The following CACNA1A variants were observed in gnomAD, a reference collection of about 807,000 sequenced individuals.
CACNA1A encodes voltage-dependent P/Q-type calcium channel subunit alpha-1A.
In CACNA1A, 57 loss-of-function variants were observed where a neutral mutation model predicts 262.4. That is an observed-to-expected ratio of 0.22 (90% confidence interval 0.18 to 0.27). CACNA1A has a LOEUF of 0.27. Ranked by LOEUF, CACNA1A falls within the 10% of genes least tolerant of loss-of-function variation. The pLI is 1.00. For synonymous variants in CACNA1A, 1,431 were observed against 1,419.3 expected (o/e 1.01, Z -0.18); for missense variants, 2,526 against 3,562.8 (o/e 0.71, Z 7.41).
chr19:13,296,686 C>T (rs1288623010), intron 19 of CACNA1A, among the ~76,000 whole-genome samples: 2 of 150,910 alleles, frequency 1.3e-5, no homozygotes, highest in South Asian at 2.1e-4. Flanking sequence ...CACCACATCC[C>T]GCTGCATCCA....
chr19:13,476,661 G>GT lies in CACNA1A; in HGVS notation c.294-21450dup, dbSNP rs577073415. 5.9e-5 allele frequency among the ~76,000 whole-genome samples: 9 copies of GT among 152,256 alleles called. No homozygotes were observed. The South Asian group carries it at 1.7e-3, about 28-fold the overall frequency. On this transcript the variant is annotated intron_variant, in intron 1 of 46. Transcript: ENST00000360228. ...ACTGTTGCATAACAGGGTGACTGTA[G>GT]TAAGTGCTGTGGAATTGCACACCTC... is the stretch of plus-strand genomic sequence containing the variant.
intron 24 of CACNA1A, chr19:13,271,786 C>CG (rs1170532028): frequency 1.5e-5 from 2 of 131,828 alleles, no homozygotes; most frequent in African/African-American, 5.9e-5. Context: ...TTTTTTGAGA[C>CG]AGAGTCTTGC....
chr19:13,453,911 A>G (rs1234977420), intron 2 of CACNA1A, among the ~76,000 whole-genome samples: 1 of 152,106 alleles, frequency 6.6e-6, no homozygotes, highest in African/African-American at 2.4e-5. Flanking sequence ...AAATGCAAAG[A>G]TCTAGAAATC....
rs143600357 is a variant in CACNA1A at position 13,252,681 on chromosome 19, C to T, written c.4866+310G>A. 1,263 of 178,342 alleles carry T rather than the reference C, an allele frequency of 7.1e-3. 20 individuals carry two copies. The highest frequency in any genetic ancestry group is 0.028 in the African/African-American group (1,173 of 42,484). 11.0% of individuals were successfully genotyped at this position (178,342 alleles called of 1,614,324 possible). On this transcript the variant is annotated intron_variant, in intron 30 of 46. Transcript: ENST00000360228. ...CTGGAATTACAGCCATGAGACACCT[C>T]GCCCAGCCTGATTTCAGTTTTCTTA...
In CACNA1A at chr19:13,298,939, G is replaced by A. The variant is rs1382758044; in HGVS notation, c.2694C>T (p.Gly898=). 1.3e-6 allele frequency: 2 copies of A among 1,593,054 alleles called. No homozygotes were observed. The highest frequency in any genetic ancestry group is 8.5e-7 in the Non-Finnish European group (1 of 1,177,114). The change falls in exon 19 of 47, where the codon GGC becomes GGT. Residue 898 remains glycine (G), a synonymous_variant. Coordinates refer to ENST00000360228, the MANE Select transcript of CACNA1A (RefSeq NM_001127222.2). The part of the protein sequence containing the change: ...EAELSREGPY[G]RESDHHAREG... ...CCCGGGCGTGGTGGTCCGACTCGCGGCCGTAGGGTCCCTCCCGGCTCAGCT... is the reference window on the plus strand; with the variant it reads ...CCCGGGCGTGGTGGTCCGACTCGCGACCGTAGGGTCCCTCCCGGCTCAGCT...
chr19:13,318,888 ATCTTTT>A (rs1174233692), intron 10 of CACNA1A, among the ~76,000 whole-genome samples: 2 of 94,684 alleles, frequency 2.1e-5, no homozygotes, highest in African/African-American at 1.0e-4. Context: ...TCTAAAATAC[ATCTTTT>A]TTTTTTTTTT....
chr19:13,250,400 ATTTAT>A (rs1309657528), intron 30 of CACNA1A, among the ~76,000 whole-genome samples: 1 of 141,298 alleles, frequency 7.1e-6, no homozygotes, highest in African/African-American at 2.6e-5. Flanking sequence ...ATTTAATTTA[ATTTAT>A]TTATTTATTG....
At chr19:13,246,563 A>G (rs77605214) in intron 30 of CACNA1A, among the ~76,000 whole-genome samples, 2,711 of 152,146 alleles carry the variant, frequency 0.018, 80 homozygotes, top group African/African-American at 0.059. Context: ...CACTTGATCT[A>G]TCCTGACTGC....
intron 6 of CACNA1A, among the ~76,000 whole-genome samples, chr19:13,346,649 TATATATATATATATA>T (rs2058782644): frequency 2.0e-3 from 12 of 6,138 alleles, no homozygotes; most frequent in Admixed American, 2.6e-3. Flanking sequence ...TATATATATA[TATATATATATATATA>T]TATTTTTTTT....
intron 3 of CACNA1A, among the ~76,000 whole-genome samples, chr19:13,387,502 C>T (rs566175969): frequency 1.3e-5 from 2 of 152,206 alleles, no homozygotes; most frequent in Admixed American, 1.3e-4. Flanking sequence ...CTGGTTTTAC[C>T]CATTCTACCA....
At chr19:13,495,274 G>A (rs917720206) in intron 1 of CACNA1A, among the ~76,000 whole-genome samples, 11 of 152,162 alleles carry the variant, frequency 7.2e-5, no homozygotes, top group Admixed American at 3.9e-4. Flanking sequence ...AATTACATAG[G>A]TAAAACCTAA....
intron 3 of CACNA1A, among the ~76,000 whole-genome samples, chr19:13,411,200 A>G (rs2060104130): frequency 6.6e-6 from 1 of 152,220 alleles, no homozygotes; most frequent in Admixed American, 6.5e-5. Flanking sequence ...TAGGCACTTC[A>G]TAGAAAGCTG....
At chr19:13,336,872 G>A (rs1416785419) in intron 6 of CACNA1A, among the ~76,000 whole-genome samples, 2 of 152,210 alleles carry the variant, frequency 1.3e-5, no homozygotes, top group African/African-American at 2.4e-5. Context: ...TGGCCCCAGA[G>A]TCCATGGGCT....
At chr19:13,364,016 A>T (rs2059159825) in intron 5 of CACNA1A, 1 of 137,306 alleles carries the variant, frequency 7.3e-6, no homozygotes, top group Non-Finnish European at 1.6e-5. Flanking sequence ...CGTGGTGGAC[A>T]CACTGCTTCC....
chr19:13,214,778 T>C lies in CACNA1A; in HGVS notation c.5732-170A>G, dbSNP rs2144538997. On this transcript the variant is annotated intron_variant, in intron 38 of 46. Transcript: ENST00000360228. The surrounding 1 kb of genome is among the most constrained non-coding windows in gnomAD (Gnocchi z 4.1). ...CAGAGGAGGCCCTGGGCAGTGCTGC[T>C]GGAATGACCTTGTGGGCTCTGGTTT... 2 of 612,718 alleles carry C rather than the reference T, an allele frequency of 3.3e-6. No homozygotes were observed. The highest frequency in any genetic ancestry group is 5.8e-6 in the Non-Finnish European group (2 of 344,832). The allele number at this position is 612,718 out of a possible 1,614,324, so 38.0% of individuals were successfully genotyped here.
At chr19:13,303,967 G>T in intron 15 of CACNA1A, 83 bp from the exon 16 acceptor site, 1 of 973,564 alleles carries the variant, frequency 1.0e-6, no homozygotes, top group Non-Finnish European at 1.6e-6. Context: ...GCCGGAATCC[G>T]CCCACCCCAT....
chr19:13,403,114 T>C (rs2144703278), intron 3 of CACNA1A, among the ~76,000 whole-genome samples: 1 of 151,760 alleles, frequency 6.6e-6, no homozygotes, highest in African/African-American at 2.4e-5. Context: ...TACCCGACTT[T>C]ACTGATTTTC....
chr19:13,310,475 AAAAAAAAAAAAAAAAT>A (rs1317176327), intron 12 of CACNA1A, among the ~76,000 whole-genome samples: 2 of 42,172 alleles, frequency 4.7e-5, no homozygotes, highest in Non-Finnish European at 7.9e-5. Context: ...AAAAAAAAAA[AAAAAAAAAAAAAAAAT>A]ATATATATAT....
chr19:13,208,553 G>C (rs2054666193), intron 46 of CACNA1A, among the ~76,000 whole-genome samples: 1 of 151,798 alleles, frequency 6.6e-6, no homozygotes, highest in Non-Finnish European at 1.5e-5. Flanking sequence ...GGGGCTGGGG[G>C]GACAGCATAG....
Sources: allele counts gnomAD v4.1 joint callset (sites outside exome capture counted in the v4.1 genomes callset), GRCh38; gene constraint gnomAD v4.1.1; non-coding constraint Gnocchi (gnomAD v3.1); transcripts MANE v1.5; gene names NCBI Gene and HGNC (gene_info 2026-07-23, HGNC 2026-07-21).